DCAF17: variants seen among roughly 807,000 people sequenced by gnomAD.
DCAF17 encodes DDB1- and CUL4-associated factor 17.
DCAF17 carries 48 observed loss-of-function variants against 66.0 expected under a neutral mutation model. The ratio of observed to expected loss-of-function variants is 0.73; its 90% CI spans 0.58 to 0.92. DCAF17 has a LOEUF of 0.92. DCAF17 is among the 40% of genes least tolerant of loss of function. The probability of loss-of-function intolerance (pLI) is 0.00; values close to 1 mark genes in which losing one functional copy is unlikely to be tolerated. For synonymous variants in DCAF17, 206 were observed against 214.6 expected (o/e 0.96, Z 0.35); for missense variants, 562 against 622.8 (o/e 0.90, Z 1.04).
At chr2:171,451,249 T>C (rs1483303501) in intron 5 of DCAF17, among the ~76,000 whole-genome samples, 1 of 152,128 alleles carries the variant, frequency 6.6e-6, no homozygotes. Context: ...CTACTTACTT[T>C]TTATCATGGT....
At chr2:171,466,727 GTT>G (rs74268270) in intron 8 of DCAF17, among the ~76,000 whole-genome samples, 27,687 of 133,556 alleles carry the variant, frequency 0.21, 2,647 homozygotes, top group South Asian at 0.3. Context: ...TGTTTGTACT[GTT>G]TTTTTTTTTT....
At chr2:171,434,748 C>T in intron 1 of DCAF17, 45 bp downstream of exon 1, 1 of 1,390,620 alleles carries the variant, frequency 7.2e-7, no homozygotes, top group Non-Finnish European at 9.2e-7. Context: ...CGCGGGCGCG[C>T]GGCGGCCGAG....
chr2:171,473,301 G>A (rs925986414), intron 9 of DCAF17, among the ~76,000 whole-genome samples: 3 of 152,136 alleles, frequency 2.0e-5, no homozygotes, highest in African/African-American at 7.2e-5. Flanking sequence ...CTGCTGTTTA[G>A]TAGGTTGAAA....
chr2:171,470,380 C>G (rs1450728255), intron 9 of DCAF17, among the ~76,000 whole-genome samples: 1 of 152,136 alleles, frequency 6.6e-6, no homozygotes, highest in Non-Finnish European at 1.5e-5. Flanking sequence ...CACAGATCAC[C>G]TTTCACCACG....
At chr2:171,469,166 A>G in intron 9 of DCAF17, 136 bp downstream of exon 9, 5 of 925,608 alleles carry the variant, frequency 5.4e-6, no homozygotes, top group Non-Finnish European at 5.0e-6. Context: ...TTTAAAATAC[A>G]GAAGAATACA....
chr2:171,458,330 A>G (rs1328220028), intron 7 of DCAF17, 42 bp from the exon 8 acceptor site: 3 of 1,510,094 alleles, frequency 2.0e-6, no homozygotes, highest in Admixed American at 3.3e-5. Flanking sequence ...TATCAAATAA[A>G]TAGGTGCTAA....
In DCAF17 at chr2:171,448,667, C is replaced by CTTTT; in HGVS notation, c.322-6_322-3dup. The CTTTT allele has an allele frequency of 7.5e-6, 10 of 1,328,392 alleles. No individual in the cohort carries two copies. Among genetic ancestry groups the CTTTT allele is most frequent in the South Asian group, 1.4e-5 (1 of 69,336 alleles). 82.3% of individuals were successfully genotyped at this position (1,328,392 alleles called of 1,614,324 possible). ...CAAGCAGTTTCATTTTTATATCTCT[C>CTTTT]TTTTTTTTTTTAGGGAGATATACTT... On this transcript the variant is annotated splice_polypyrimidine_tract_variant and intron_variant, in intron 3 of 13. Coordinates refer to ENST00000375255, the MANE Select transcript of DCAF17 (RefSeq NM_025000.4).
Position 171,483,860 on chromosome 2 carries a change from A to G in DCAF17, c.*2746A>G, listed in dbSNP as rs1033666463. The stretch of plus-strand genomic sequence containing the variant: ...CAACTAGTCAGTGCAGAGGTGGGAA[A>G]CATAACCAGATTTGTTCGGCATGAA... On this transcript the variant is annotated 3_prime_UTR_variant, in exon 14 of 14. Transcript: ENST00000375255. 5 of 453,998 alleles carry G rather than the reference A, an allele frequency of 1.1e-5. No homozygotes were observed. Among genetic ancestry groups the G allele is most frequent in the East Asian group, 1.4e-4 (2 of 14,412 alleles). 28.1% of individuals were successfully genotyped at this position (453,998 alleles called of 1,614,324 possible). A position where few individuals can be genotyped will look rare whatever the true frequency, so the allele number is the denominator to read the frequency against.
At chr2:171,475,449 T>A (rs1258215227) in intron 10 of DCAF17, among the ~76,000 whole-genome samples, 1 of 152,036 alleles carries the variant, frequency 6.6e-6, no homozygotes, top group Non-Finnish European at 1.5e-5. Context: ...TTGCACAGAG[T>A]AGATGCTCAG....
intron 3 of DCAF17, among the ~76,000 whole-genome samples, chr2:171,445,665 T>A (rs1232197335): frequency 6.6e-6 from 1 of 152,146 alleles, no homozygotes; most frequent in Admixed American, 6.5e-5. Context: ...AAATAGTATA[T>A]TTTTTAAAAC....
intron 8 of DCAF17, among the ~76,000 whole-genome samples, chr2:171,460,269 GC>G (rs1559276504): frequency 6.7e-6 from 1 of 149,940 alleles, no homozygotes; most frequent in African/African-American, 2.5e-5. Context: ...GTTGCAGTGA[GC>G]CGAGATCGTG....
At chr2:171,462,839 A>C (rs1305281130) in intron 8 of DCAF17, among the ~76,000 whole-genome samples, 2 of 152,210 alleles carry the variant, frequency 1.3e-5, no homozygotes, top group Non-Finnish European at 2.9e-5. Context: ...CATCGTATAC[A>C]AAAGATTGGA....
rs149691298 is a variant in DCAF17, at chr2:171,483,561, G to T, written c.*2447G>T. ...AAATCCTATCCTATTTACTATTTGT[G>T]CTACCTAGTGAGGAGATACCGCTCT... is the stretch of plus-strand genomic sequence containing the variant. On this transcript the variant is annotated 3_prime_UTR_variant, in exon 14 of 14. Coordinates refer to ENST00000375255, the MANE Select transcript of DCAF17 (RefSeq NM_025000.4). 7 of 454,066 alleles carry T rather than the reference G, an allele frequency of 1.5e-5. No homozygotes were observed. The East Asian group carries it at 4.9e-4, about 32-fold the overall frequency. The allele number at this position is 454,066 out of a possible 1,614,324, so 28.1% of individuals were successfully genotyped here.
At position 171,440,098 on chromosome 2, in the gene DCAF17, G is replaced by T. The variant is rs368324500; in HGVS notation, c.231-3425G>T. 2.6e-4 allele frequency among the ~76,000 whole-genome samples: 40 copies of T among 152,210 alleles called. 1 individual carries two copies. In the East Asian group the frequency reaches 3.5e-3, roughly 13 times the overall value. On this transcript the variant is annotated intron_variant, in intron 2 of 13. Coordinates refer to ENST00000375255, the MANE Select transcript of DCAF17 (RefSeq NM_025000.4). ...TCCCTCAGCCTCCTGAGTATAGCTG[G>T]AACTACAGTCACATACCATCGCACC...
At chr2:171,448,109 G>A (rs998255678) in intron 3 of DCAF17, among the ~76,000 whole-genome samples, 3 of 152,174 alleles carry the variant, frequency 2.0e-5, no homozygotes, top group East Asian at 1.9e-4. Flanking sequence ...GAAAAAGGGG[G>A]CAATATGAAT....
Position 171,473,994 on chromosome 2 carries a change from A to C in DCAF17, c.1091+19A>C, listed in dbSNP as rs767063938. On this transcript the variant is annotated intron_variant, in intron 10 of 13. Coordinates refer to ENST00000375255, the MANE Select transcript of DCAF17 (RefSeq NM_025000.4). ...AAGTCAAGTGAGTAATCTCATTAGC[A>C]CTTGAAAGTTAAGAGCAGCTTTTGG... 1.9e-6 allele frequency: 3 copies of C among 1,597,002 alleles called. No individual in the cohort carries two copies. The highest frequency in any genetic ancestry group is 1.7e-6 in the Non-Finnish European group (2 of 1,164,954).
chr2:171,480,098 C>G lies in DCAF17; in HGVS notation c.1327C>G (p.Gln443Glu). The G allele has an allele frequency of 6.2e-7, 1 of 1,613,740 alleles. No homozygotes were observed. The highest frequency in any genetic ancestry group is 8.5e-7 in the Non-Finnish European group (1 of 1,179,796). Residue 443 changes from glutamine (Q) to glutamate (E), a missense_variant, in exon 13 of 14, where the codon CAA (glutamine) becomes GAA (glutamate). Transcript: ENST00000375255. ...LDLLSVVAVT[Q>E]IDAEGKAHLD... ...TTTGCTTTCTGTGGTAGCTGTTACT[C>G]AAATAGATGCTGAAGGAAAAGCTCA... is the stretch of plus-strand genomic sequence containing the variant.
chr2:171,462,767 T>C (rs1410830508), intron 8 of DCAF17, among the ~76,000 whole-genome samples: 1 of 152,208 alleles, frequency 6.6e-6, no homozygotes, highest in Non-Finnish European at 1.5e-5. Flanking sequence ...AAAACATTGT[T>C]TCTAATAGCA....
chr2:171,467,730 A>G (rs1215114961), intron 8 of DCAF17, among the ~76,000 whole-genome samples: 1 of 86,226 alleles, frequency 1.2e-5, no homozygotes, highest in Non-Finnish European at 2.5e-5. Flanking sequence ...ACTGTCTCAA[A>G]AAAAAAAAAA....
Sources: gnomAD v4.1 joint callset for allele counts (sites outside exome capture counted in the v4.1 genomes callset) on GRCh38, gnomAD v4.1.1 for gene constraint, MANE v1.5 for transcripts, NCBI Gene and HGNC (gene_info 2026-07-23, HGNC 2026-07-21) for gene names.